CHP1: variants seen among roughly 807,000 people sequenced by gnomAD.
The protein encoded by CHP1 is calcineurin B homologous protein 1.
In CHP1, 11 loss-of-function variants were observed where a neutral mutation model predicts 27.4. The ratio of observed to expected loss-of-function variants is 0.40; its 90% confidence interval spans 0.25 to 0.67. The LOEUF (loss-of-function observed/expected upper bound fraction) is 0.67. CHP1 is among the 30% of genes least tolerant of loss of function. The pLI, the probability that CHP1 is intolerant of heterozygous loss-of-function variation, is 0.38. For synonymous variants in CHP1, 89 were observed against 87.4 expected (o/e 1.02, Z -0.10); for missense variants, 169 against 251.3 (o/e 0.67, Z 2.22).
chr15:41,260,170 GTT>G (rs79684786), intron 3 of CHP1, among the ~76,000 whole-genome samples: 2 of 141,742 alleles, frequency 1.4e-5, no homozygotes. Context: ...AAAGGCTGGG[GTT>G]TTTTTTTTTT....
chr15:41,272,660 G>T (rs1378124585), intron 5 of CHP1, among the ~76,000 whole-genome samples: 1 of 151,488 alleles, frequency 6.6e-6, no homozygotes, highest in East Asian at 2.0e-4. Flanking sequence ...GGCTCAAGCA[G>T]TTCGCCCACT....
intron 1 of CHP1, among the ~76,000 whole-genome samples, chr15:41,238,630 G>C (rs1250123847): frequency 2.0e-5 from 3 of 151,698 alleles, no homozygotes; most frequent in African/African-American, 7.3e-5. Context: ...CACGAGGTCG[G>C]GAGATCGAGA....
At chr15:41,271,791 C>T (rs1241950025) in intron 5 of CHP1, among the ~76,000 whole-genome samples, 2 of 152,348 alleles carry the variant, frequency 1.3e-5, no homozygotes, top group Middle Eastern at 6.8e-3. Context: ...CCAAAACAGT[C>T]TTCAGGTCAG....
At chr15:41,272,701 G>A (rs561494220) in intron 5 of CHP1, among the ~76,000 whole-genome samples, 14 of 152,200 alleles carry the variant, frequency 9.2e-5, no homozygotes, top group Admixed American at 2.6e-4. Flanking sequence ...GATTACAGGC[G>A]TGAGCCACCG....
At chr15:41,249,452 C>A (rs952062553) in intron 2 of CHP1, among the ~76,000 whole-genome samples, 1 of 147,992 alleles carries the variant, frequency 6.8e-6, no homozygotes, top group African/African-American at 2.5e-5. Flanking sequence ...CCATGCCTGG[C>A]CTTCACCTTC....
chr15:41,271,677 CCT>C (rs1567011726), intron 5 of CHP1, among the ~76,000 whole-genome samples: 1 of 152,050 alleles, frequency 6.6e-6, no homozygotes. Context: ...GGGATAATTC[CCT>C]GTTTTCCTAC....
At chr15:41,242,420 C>T (rs1042073284) in intron 1 of CHP1, among the ~76,000 whole-genome samples, 2 of 152,194 alleles carry the variant, frequency 1.3e-5, no homozygotes. Context: ...GCAGTACAGC[C>T]TGAAACAGCA....
chr15:41,235,256 C>CAGGA (rs376538321), intron 1 of CHP1, among the ~76,000 whole-genome samples: 15,946 of 152,192 alleles, frequency 0.1, 1,175 homozygotes, highest in African/African-American at 0.2. Context: ...CAGTGGCTCA[C>CAGGA]ACCTGTAGTT....
intron 5 of CHP1, among the ~76,000 whole-genome samples, chr15:41,271,831 A>G (rs2047491244): frequency 6.6e-6 from 1 of 152,206 alleles, no homozygotes; most frequent in Non-Finnish European, 1.5e-5. Context: ...TGAGTTGGGA[A>G]TTTCTTCAGC....
At chr15:41,249,535 C>T (rs189708206) in intron 2 of CHP1, among the ~76,000 whole-genome samples, 2 of 135,690 alleles carry the variant, frequency 1.5e-5, no homozygotes, top group East Asian at 2.1e-4. Flanking sequence ...TGCAGTGGCA[C>T]GATCTCGGCT....
intron 5 of CHP1, among the ~76,000 whole-genome samples, chr15:41,274,165 TG>T (rs1405470769): frequency 6.6e-6 from 1 of 151,972 alleles, no homozygotes; most frequent in Non-Finnish European, 1.5e-5. Context: ...TTCACCGTAT[TG>T]GCCAGGCTGG....
At chr15:41,273,961 C>A (rs942671670) in intron 5 of CHP1, among the ~76,000 whole-genome samples, 3 of 149,390 alleles carry the variant, frequency 2.0e-5, no homozygotes, top group Non-Finnish European at 4.5e-5. Flanking sequence ...TAATAAACTT[C>A]TTTTTTTTTA....
chr15:41,266,897 G>A (rs915056773), intron 4 of CHP1, among the ~76,000 whole-genome samples: 2 of 152,082 alleles, frequency 1.3e-5, no homozygotes, highest in Non-Finnish European at 2.9e-5. Flanking sequence ...CTAGTCGGGA[G>A]GCTGAGGCAG....
chr15:41,272,724 C>G (rs994723583), intron 5 of CHP1, among the ~76,000 whole-genome samples: 4 of 152,050 alleles, frequency 2.6e-5, no homozygotes, highest in Admixed American at 2.6e-4. Flanking sequence ...CCCAGCCACA[C>G]CTGTCAATCT....
chr15:41,238,978 T>G (rs2047292461), intron 1 of CHP1, among the ~76,000 whole-genome samples: 1 of 152,198 alleles, frequency 6.6e-6, no homozygotes, highest in African/African-American at 2.4e-5. Context: ...GCTTAGAGCC[T>G]TCTGGGGAAA....
chr15:41,240,286 G>A (rs945314214), intron 1 of CHP1, among the ~76,000 whole-genome samples: 1 of 152,066 alleles, frequency 6.6e-6, no homozygotes, highest in Non-Finnish European at 1.5e-5. Flanking sequence ...CAGCCATCAT[G>A]CCTGGCTCTC....
chr15:41,265,309 A>AGCC (rs2047454469), intron 4 of CHP1, among the ~76,000 whole-genome samples: 1 of 136,094 alleles, frequency 7.3e-6, no homozygotes, highest in South Asian at 2.5e-4. Flanking sequence ...GGCTACAGTG[A>AGCC]GCCGAGATCA....
At chr15:41,266,798 G>A (rs184855756) in intron 4 of CHP1, among the ~76,000 whole-genome samples, 54 of 152,190 alleles carry the variant, frequency 3.5e-4, no homozygotes, top group African/African-American at 1.3e-3. Flanking sequence ...TCAGAAGTTC[G>A]AGACCAGCCT....
At chr15:41,267,326 A>T (rs2047466444) in intron 4 of CHP1, among the ~76,000 whole-genome samples, 1 of 152,076 alleles carries the variant, frequency 6.6e-6, no homozygotes, top group Non-Finnish European at 1.5e-5. Flanking sequence ...CCTGTAGAAA[A>T]GGTTTAAATG....
Sources: allele counts gnomAD v4.1 joint callset (sites outside exome capture counted in the v4.1 genomes callset), GRCh38; gene constraint gnomAD v4.1.1; transcripts MANE v1.5; gene names NCBI Gene and HGNC (gene_info 2026-07-23, HGNC 2026-07-21).